The following MAGI2 variants were observed in gnomAD, a reference collection of about 807,000 sequenced individuals.
The protein encoded by MAGI2 is membrane-associated guanylate kinase, WW and PDZ domain-containing protein 2.
In MAGI2, 35 loss-of-function variants were observed where a neutral mutation model predicts 133.3. The observed-to-expected ratio is 0.26, with a 90% CI of 0.20 to 0.35. The LOEUF (loss-of-function observed/expected upper bound fraction) is 0.35. Ranked by LOEUF, MAGI2 falls within the 10% of genes least tolerant of loss-of-function variation. The pLI, the probability that MAGI2 is intolerant of heterozygous loss-of-function variation, is 1.00. For missense variants in MAGI2, 1,636 were observed against 1,863.4 expected, an observed-to-expected ratio of 0.88 and a Z score of 2.25; for synonymous variants, 729 against 710.6, an observed-to-expected ratio of 1.03 and a Z score of -0.41.
intron 1 of MAGI2, among the ~76,000 whole-genome samples, chr7:79,379,244 G>T (rs1843617017): frequency 6.6e-6 from 1 of 151,446 alleles, no homozygotes; most frequent in African/African-American, 2.4e-5. Context: ...AGTTTGCTGA[G>T]AATGATGGTT....
intron 1 of MAGI2, among the ~76,000 whole-genome samples, chr7:79,403,445 A>C (rs940344668): frequency 1.3e-5 from 2 of 152,006 alleles, no homozygotes; most frequent in African/African-American, 4.8e-5. Flanking sequence ...TTTTTTTTTA[A>C]AAAAGAAAAC....
At chr7:78,309,968 T>A (rs1487637549) in intron 9 of MAGI2, among the ~76,000 whole-genome samples, 1 of 152,194 alleles carries the variant, frequency 6.6e-6, no homozygotes, top group African/African-American at 2.4e-5. Flanking sequence ...ATTATAGTAG[T>A]GGTAGCAACA....
At chr7:79,042,060 G>T (rs1811719652) in intron 1 of MAGI2, among the ~76,000 whole-genome samples, 1 of 151,934 alleles carries the variant, frequency 6.6e-6, no homozygotes, top group South Asian at 2.1e-4. Context: ...AAAAAATAAG[G>T]CATAGACTGG....
intron 1 of MAGI2, among the ~76,000 whole-genome samples, chr7:79,024,047 C>A (rs1380095889): frequency 6.6e-6 from 1 of 152,086 alleles, no homozygotes; most frequent in Admixed American, 6.6e-5. Flanking sequence ...AGCAAAAGAA[C>A]AAAGCTGGAG....
chr7:78,212,908 C>T (rs1185879303), intron 10 of MAGI2, among the ~76,000 whole-genome samples: 1 of 152,140 alleles, frequency 6.6e-6, no homozygotes, highest in Non-Finnish European at 1.5e-5. Flanking sequence ...AATTCCTGGG[C>T]TCAAGTGATC....
intron 12 of MAGI2, among the ~76,000 whole-genome samples, chr7:78,194,594 C>A (rs1828544897): frequency 6.6e-6 from 1 of 151,792 alleles, no homozygotes; most frequent in African/African-American, 2.4e-5. Context: ...TAAACAAAAC[C>A]AGCAACCTCA....
intron 1 of MAGI2, among the ~76,000 whole-genome samples, chr7:79,241,131 T>C (rs1832377735): frequency 6.6e-6 from 1 of 152,160 alleles, no homozygotes; most frequent in South Asian, 2.1e-4. Context: ...GTCCTCTCTC[T>C]ACCATCCCAA....
chr7:78,526,988 C>A (rs1397669157), intron 3 of MAGI2, among the ~76,000 whole-genome samples: 2 of 96,282 alleles, frequency 2.1e-5, no homozygotes, highest in Admixed American at 1.7e-4. Context: ...AGCATGGTGA[C>A]AGGGCAAGAC....
At chr7:78,166,460 C>T (rs1022627854) in intron 15 of MAGI2, among the ~76,000 whole-genome samples, 2 of 152,298 alleles carry the variant, frequency 1.3e-5, no homozygotes, top group South Asian at 4.1e-4. Context: ...ATTTAAGATG[C>T]TTTACTTCTT....
In MAGI2 at chr7:78,160,189, G is replaced by C. The variant is rs1331007984; in HGVS notation, c.2681C>G (p.Thr894Ser). The C allele has an allele frequency of 3.7e-6, 6 of 1,612,760 alleles. No homozygotes were observed. Among genetic ancestry groups the C allele is most frequent in the Non-Finnish European group, 3.4e-6 (4 of 1,179,346 alleles). ...ACTGGGGGCAGCGTGGTTGCTGTTG[G>C]TGTAGGTTGCGTAGTCACTGCGTGG... is the stretch of plus-strand genomic sequence containing the variant. ...SSPRSDYATY[T>S]NSNHAAPSSN... Residue 894 changes from threonine (T) to serine (S), a missense_variant, in exon 16 of 22, where the codon ACC becomes AGC. Coordinates refer to ENST00000354212, the MANE Select transcript of MAGI2 (RefSeq NM_012301.4).
At chr7:79,081,002 A>C (rs1815988941) in intron 1 of MAGI2, among the ~76,000 whole-genome samples, 1 of 152,084 alleles carries the variant, frequency 6.6e-6, no homozygotes, top group South Asian at 2.1e-4. Context: ...CACAGTTCCT[A>C]TATGGTTTCC....
At chr7:78,981,280 A>G (rs1804760866) in intron 2 of MAGI2, among the ~76,000 whole-genome samples, 4 of 151,344 alleles carry the variant, frequency 2.6e-5, no homozygotes, top group South Asian at 2.1e-4. Context: ...CTGAATTTCA[A>G]TTCCTCTCCT....
chr7:78,946,861 CT>C (rs1176471839), intron 2 of MAGI2: 1 of 152,108 alleles, frequency 6.6e-6, no homozygotes. Context: ...GGAATTTGTT[CT>C]TGACTCTTAT....
At chr7:78,698,486 T>C (rs1211080308) in intron 2 of MAGI2, among the ~76,000 whole-genome samples, 1 of 152,196 alleles carries the variant, frequency 6.6e-6, no homozygotes, top group Non-Finnish European at 1.5e-5. Flanking sequence ...ATCTTTTCAC[T>C]GTATTTATGG....
At chr7:78,404,093 G>C (rs982618607) in intron 6 of MAGI2, among the ~76,000 whole-genome samples, 4 of 151,994 alleles carry the variant, frequency 2.6e-5, no homozygotes, top group Non-Finnish European at 4.4e-5. Flanking sequence ...AAATACCTAG[G>C]AATCCCACTT....
At chr7:78,411,285 C>T (rs1295647212) in intron 6 of MAGI2, among the ~76,000 whole-genome samples, 1 of 151,854 alleles carries the variant, frequency 6.6e-6, no homozygotes, top group African/African-American at 2.4e-5. Flanking sequence ...GATAGCATCT[C>T]GTACTGTATA....
At chr7:79,302,197 C>T (rs1475454098) in intron 1 of MAGI2, among the ~76,000 whole-genome samples, 2 of 152,068 alleles carry the variant, frequency 1.3e-5, no homozygotes, top group African/African-American at 4.8e-5. Flanking sequence ...AATTTTAATC[C>T]TTCTGGAGCT....
At chr7:78,549,079 C>T (rs1234483234) in intron 3 of MAGI2, among the ~76,000 whole-genome samples, 2 of 152,166 alleles carry the variant, frequency 1.3e-5, no homozygotes, top group Non-Finnish European at 2.9e-5. Context: ...TTAGCAGCAT[C>T]ATGTCTTACA....
At chr7:78,639,834 C>A (rs888368810) in intron 2 of MAGI2, among the ~76,000 whole-genome samples, 1 of 152,066 alleles carries the variant, frequency 6.6e-6, no homozygotes, top group East Asian at 1.9e-4. Context: ...CTGGCTCCCC[C>A]TCAAGAAACT....
Sources: gnomAD v4.1 joint callset for allele counts (sites outside exome capture counted in the v4.1 genomes callset) on GRCh38, gnomAD v4.1.1 for gene constraint, MANE v1.5 for transcripts, NCBI Gene and HGNC (gene_info 2026-07-23, HGNC 2026-07-21) for gene names.